USP33: variants seen among roughly 807,000 people sequenced by gnomAD.
The protein encoded by USP33 is ubiquitin specific peptidase 33, also known as ubiquitin carboxyl-terminal hydrolase 33.
Under a neutral mutation model 124.2 loss-of-function variants are expected in USP33, and 46 were observed. The ratio of observed to expected loss-of-function variants is 0.37; its 90% confidence interval spans 0.29 to 0.47. The LOEUF (loss-of-function observed/expected upper bound fraction) is 0.47, where lower values mean the gene tolerates loss of function less well. Among genes scored for constraint, USP33 ranks in the 20% least tolerant of loss-of-function variants. The pLI, the probability that USP33 is intolerant of heterozygous loss-of-function variation, is 0.99. For synonymous variants in USP33, 350 were observed against 352.3 expected, an observed-to-expected ratio of 0.99 and a Z score of 0.07; for missense variants, 851 against 1,070.6, an observed-to-expected ratio of 0.79 and a Z score of 2.86.
chr1:77,759,363 C>T (rs1374286126), intron 1 of USP33: 1 of 380,128 alleles, frequency 2.6e-6, no homozygotes, highest in Non-Finnish European at 4.7e-6. Flanking sequence ...CCTCCCGCTT[C>T]CAGGGAAGAA....
At chr1:77,750,839 T>C (rs1027992259) in intron 1 of USP33, among the ~76,000 whole-genome samples, 2 of 141,492 alleles carry the variant, frequency 1.4e-5, no homozygotes, top group Non-Finnish European at 3.1e-5. Context: ...AATAAAATCA[T>C]TCTTTTATTC....
rs776443971 is a variant in USP33 at position 77,697,850 on chromosome 1, G to A, written c.2578+13C>T. On this transcript the variant is annotated intron_variant, in intron 23 of 23. Coordinates refer to ENST00000370794, the MANE Select transcript of USP33 (RefSeq NM_201624.3). ...CACTCACAAGTAAAAGCTTAAATAC[G>A]AGTCAAACTTACCTTGCCTAAGCAT... 4.4e-6 allele frequency: 7 copies of A among 1,597,974 alleles called. No individual in the cohort carries two copies. Among genetic ancestry groups the A allele is most frequent in the East Asian group, 2.2e-5 (1 of 44,452 alleles).
chr1:77,741,308 G>T, intron 3 of USP33, 68 bp downstream of exon 3: 4 of 1,469,380 alleles, frequency 2.7e-6, no homozygotes, highest in Non-Finnish European at 3.7e-6. Flanking sequence ...AAATTTTCTG[G>T]TTATGATTAT....
chr1:77,711,647 A>T (rs1472783767), intron 21 of USP33, 100 bp downstream of exon 21: 1 of 1,521,696 alleles, frequency 6.6e-7, no homozygotes, highest in Non-Finnish European at 8.8e-7. Flanking sequence ...AATCTATTAC[A>T]ACTCTTTCAT....
rs1055367248 is a variant in USP33 at position 77,736,090 on chromosome 1, T to C, written c.420A>G (p.Ile140Met). ...TAAGTTCATCTTCTTCATCCGCTTC[T>C]ATATCCAGATCATCAAATACGGCAA... ...PLVAVFDDLDIEADEEDELRA... is the reference protein window; with the variant it reads ...PLVAVFDDLDMEADEEDELRA... The change falls in exon 6 of 24, where the codon ATA (isoleucine) becomes ATG (methionine). Residue 140 changes from isoleucine (I) to methionine (M), a missense_variant. Ile to Met is a conservative substitution (Grantham distance 10, BLOSUM62 1). Transcript: ENST00000370794. The C allele has an allele frequency of 6.2e-7, 1 of 1,613,202 alleles. No individual in the cohort carries two copies. The highest frequency in any genetic ancestry group is 1.7e-4 in the Middle Eastern group (1 of 6,050).
intron 15 of USP33, among the ~76,000 whole-genome samples, chr1:77,720,742 T>G (rs1399459745): frequency 1.3e-5 from 2 of 152,204 alleles, no homozygotes; most frequent in African/African-American, 2.4e-5. Context: ...GTAGTAGATG[T>G]AAACAAAATC....
At chr1:77,714,865 AAC>A (rs768179835) in intron 18 of USP33, 82 bp from the exon 19 acceptor site, 12 of 1,373,840 alleles carry the variant, frequency 8.7e-6, no homozygotes, top group African/African-American at 2.9e-5. Context: ...TATTAGACTT[AAC>A]ACACATATTA....
intron 21 of USP33, among the ~76,000 whole-genome samples, chr1:77,709,783 C>T (rs547731786): frequency 1.3e-5 from 2 of 150,938 alleles, no homozygotes; most frequent in East Asian, 3.9e-4. Context: ...ATATATATAT[C>T]TGAGAGCTAG....
chr1:77,721,510 T>C (rs947217026), intron 14 of USP33: 29 of 507,270 alleles, frequency 5.7e-5, no homozygotes, highest in Non-Finnish European at 2.4e-5. Flanking sequence ...CCTTAAATGA[T>C]ATGGAGTAGT....
At chr1:77,711,655 C>T (rs1675275323) in intron 21 of USP33, 92 bp downstream of exon 21, 4 of 1,528,824 alleles carry the variant, frequency 2.6e-6, no homozygotes, top group Non-Finnish European at 3.5e-6. Flanking sequence ...ACAACTCTTT[C>T]ATCTAATCAT....
intron 17 of USP33, chr1:77,717,654 T>C (rs1676078678): frequency 6.2e-6 from 2 of 321,108 alleles, no homozygotes; most frequent in Admixed American, 9.7e-5. Flanking sequence ...TCAGATATTA[T>C]TTAAAAGATT....
intron 15 of USP33, among the ~76,000 whole-genome samples, chr1:77,719,402 A>C (rs1676299450): frequency 6.6e-6 from 1 of 152,126 alleles, no homozygotes; most frequent in South Asian, 2.1e-4. Flanking sequence ...GGTAATCAAA[A>C]ATTTAGAGAG....
At chr1:77,740,635 G>A (rs1324974686) in intron 4 of USP33, among the ~76,000 whole-genome samples, 3 of 152,174 alleles carry the variant, frequency 2.0e-5, no homozygotes, top group Admixed American at 6.5e-5. Context: ...GGATTCAGGC[G>A]TGAGCCACCA....
chr1:77,725,946 A>C (rs1031681076), intron 10 of USP33, among the ~76,000 whole-genome samples, 184 bp from the exon 11 acceptor site: 9 of 152,108 alleles, frequency 5.9e-5, no homozygotes, highest in Admixed American at 4.6e-4. Flanking sequence ...AATCCAACTA[A>C]TTTTTGTTTA....
Position 77,741,362 on chromosome 1 carries a change from A to T in USP33, c.135+14T>A. ...TTATTATAGCAATCTTTTCAGGAAA[A>T]AACATATACACACCTCCAGACATGC... On this transcript the variant is annotated intron_variant, in intron 3 of 23. Transcript: ENST00000370794. 6.3e-7 allele frequency: 1 copy of T among 1,583,758 alleles called. No homozygotes were observed. Among genetic ancestry groups the T allele is most frequent in the Non-Finnish European group, 8.5e-7 (1 of 1,171,366 alleles).
chr1:77,734,724 C>A (rs758673258), intron 6 of USP33, among the ~76,000 whole-genome samples: 5 of 152,134 alleles, frequency 3.3e-5, no homozygotes, highest in Non-Finnish European at 4.4e-5. Context: ...CTTATTATAA[C>A]TAAAGTTTAA....
chr1:77,701,590 A>C (rs1186979608), intron 21 of USP33, 119 bp from the exon 22 acceptor site: 1 of 764,846 alleles, frequency 1.3e-6, no homozygotes, highest in Middle Eastern at 2.4e-4. Flanking sequence ...AGGCAGGAGG[A>C]GTCCTTGAAC....
chr1:77,708,376 T>C (rs530269955), intron 21 of USP33, among the ~76,000 whole-genome samples: 1 of 152,178 alleles, frequency 6.6e-6, no homozygotes, highest in African/African-American at 2.4e-5. Context: ...TAAGTAGGGT[T>C]TTGCCACCAC....
intron 15 of USP33, among the ~76,000 whole-genome samples, chr1:77,719,133 G>A (rs144081862): frequency 0.019 from 2,849 of 151,900 alleles, 38 homozygotes; most frequent in Non-Finnish European, 0.026. Context: ...GGCCAAGGCG[G>A]GCCGATCATA....
Sources: gnomAD v4.1 joint callset for allele counts (sites outside exome capture counted in the v4.1 genomes callset) on GRCh38, gnomAD v4.1.1 for gene constraint, MANE v1.5 for transcripts, NCBI Gene and HGNC (gene_info 2026-07-23, HGNC 2026-07-21) for gene names.